The following MMD2 variants were observed in gnomAD, a reference collection of about 807,000 sequenced individuals.
MMD2 encodes monocyte to macrophage differentiation associated 2.
MMD2 carries 30 observed loss-of-function variants against 33.5 expected under a neutral mutation model. The ratio of observed to expected loss-of-function variants is 0.90; its 90% CI spans 0.67 to 1.22. The LOEUF (loss-of-function observed/expected upper bound fraction) is 1.22. MMD2 is among the 50% of genes most tolerant of loss of function. The probability of loss-of-function intolerance (pLI) is 0.00; values close to 1 mark genes in which losing one functional copy is unlikely to be tolerated. For synonymous variants in MMD2, 129 were observed against 123.0 expected, an observed-to-expected ratio of 1.05 and a Z score of -0.32; for missense variants, 364 against 325.4, an observed-to-expected ratio of 1.12 and a Z score of -0.91.
In MMD2 at chr7:4,940,318, G is replaced by A. The variant is rs943587648; in HGVS notation, c.48-14786C>T. Among the ~76,000 whole-genome samples, 1 of 152,140 alleles carries A rather than the reference G, an allele frequency of 6.6e-6. No homozygotes were observed. The highest frequency in any genetic ancestry group is 1.5e-5 in the Non-Finnish European group (1 of 68,030). On this transcript the variant is annotated intron_variant, in intron 1 of 6. Coordinates refer to ENST00000401401, the MANE Select transcript of MMD2 (RefSeq NM_198403.4). The surrounding 1 kb of genome is among the most constrained non-coding windows in gnomAD (Gnocchi z 5.0). ...TCTCTCTCTCTGGCCTGACCCAGCT[G>A]GGGTCTATGGCCCCCAGAAAGAAGC...
At chr7:4,935,226 G>A (rs1219277432) in intron 1 of MMD2, among the ~76,000 whole-genome samples, 1 of 151,834 alleles carries the variant, frequency 6.6e-6, no homozygotes, top group Non-Finnish European at 1.5e-5. Flanking sequence ...GGTGGGGCAC[G>A]ACTGTAGTCC....
At chr7:4,930,041 G>A (rs892395043) in intron 1 of MMD2, among the ~76,000 whole-genome samples, 12 of 151,232 alleles carry the variant, frequency 7.9e-5, no homozygotes, top group Admixed American at 4.0e-4. Flanking sequence ...AGGCCGAGGC[G>A]GGCATATTAC....
intron 1 of MMD2, among the ~76,000 whole-genome samples, chr7:4,951,680 A>T (rs1254814022): frequency 2.0e-5 from 3 of 151,950 alleles, no homozygotes; most frequent in Admixed American, 2.0e-4. Context: ...GCTCACTGTA[A>T]CCTCAATCTC....
intron 1 of MMD2, among the ~76,000 whole-genome samples, chr7:4,938,190 T>C (rs1222481424): frequency 3.3e-5 from 5 of 151,832 alleles, no homozygotes; most frequent in African/African-American, 4.8e-5. Context: ...TTTGTATTTT[T>C]AGTAGAGACG....
chr7:4,911,295 AC>A, intron 4 of MMD2, 49 bp from the exon 5 acceptor site: 2 of 1,457,908 alleles, frequency 1.4e-6, no homozygotes, highest in Non-Finnish European at 9.4e-7. Flanking sequence ...GCCCACCAGG[AC>A]CCCGGCCCTC....
intron 4 of MMD2, 107 bp from the exon 5 acceptor site, chr7:4,911,353 C>A: frequency 1.9e-5 from 15 of 810,510 alleles, no homozygotes. Context: ...AGTCCTGTCA[C>A]CTGTGACTCC....
Position 4,940,913 on chromosome 7 carries a change from G to A in MMD2, c.48-15381C>T, listed in dbSNP as rs1785889802. On this transcript the variant is annotated intron_variant, in intron 1 of 6. Coordinates refer to ENST00000401401, the MANE Select transcript of MMD2 (RefSeq NM_198403.4). This position sits in a 1 kb window ranked among gnomAD's most constrained non-coding sequence, Gnocchi z 5.0. ...GATCTGAGACCAGCTCCCAGCCTTG[G>A]CGCCCACCCTGTGGCTCCCCGGGAA... Among the ~76,000 whole-genome samples the A allele has an allele frequency of 6.6e-6, 1 of 152,142 alleles. No homozygotes were observed. Among genetic ancestry groups the A allele is most frequent in the Admixed American group, 6.6e-5 (1 of 15,258 alleles).
At position 4,909,754 on chromosome 7, in the gene MMD2, TC is replaced by T. The variant is rs772955385; in HGVS notation, c.537+126del. Reference sequence around the variant, plus strand: ...CTGGCCTACTGCCTCTTTAGACAAGTCATGCCAGGCCTCAGTTTCCCCGCCT... The same window carrying T: ...CTGGCCTACTGCCTCTTTAGACAAGTATGCCAGGCCTCAGTTTCCCCGCCT... On this transcript the variant is annotated intron_variant, in intron 6 of 6. Coordinates refer to ENST00000401401, the MANE Select transcript of MMD2 (RefSeq NM_198403.4). The T allele has an allele frequency of 6.9e-6, 9 of 1,296,680 alleles. No individual in the cohort carries two copies. The South Asian group carries it at 1.1e-4, about 16-fold the overall frequency. 80.3% of individuals were successfully genotyped at this position (1,296,680 alleles called of 1,614,324 possible). A position where few individuals can be genotyped will look rare whatever the true frequency, so the allele number is the denominator to read the frequency against.
chr7:4,949,026 C>A (rs1786167155), intron 1 of MMD2, among the ~76,000 whole-genome samples: 2 of 151,966 alleles, frequency 1.3e-5, no homozygotes, highest in African/African-American at 4.8e-5. Context: ...GCTGAGCCAA[C>A]ATGGAAAAAC....
rs1372735287 is a variant in MMD2 at position 4,906,453 on chromosome 7, C to G, written c.*943G>C. 4 of 398,532 alleles carry G rather than the reference C, an allele frequency of 1.0e-5. No individual in the cohort carries two copies. In the East Asian group the frequency reaches 1.4e-4, roughly 14 times the overall value. 24.7% of individuals were successfully genotyped at this position (398,532 alleles called of 1,614,324 possible). On this transcript the variant is annotated 3_prime_UTR_variant, in exon 7 of 7. Coordinates refer to ENST00000401401, the MANE Select transcript of MMD2 (RefSeq NM_198403.4). The stretch of plus-strand genomic sequence containing the variant: ...GAATCCAAATGTTGGCATCACAAAC[C>G]TTAAGTATGGAGCAGGGAGCAAGTG...
At chr7:4,953,905 C>T (rs942844731) in intron 1 of MMD2, among the ~76,000 whole-genome samples, 1 of 152,186 alleles carries the variant, frequency 6.6e-6, no homozygotes, top group African/African-American at 2.4e-5. Flanking sequence ...ATCACCCAGG[C>T]TTGAGTGCAG....
intron 6 of MMD2, 108 bp from the exon 7 acceptor site, chr7:4,907,707 C>T: frequency 1.0e-6 from 1 of 986,854 alleles, no homozygotes; most frequent in Admixed American, 2.1e-5. Context: ...AGATGGCAAA[C>T]CAGCCCAGAC....
chr7:4,934,239 T>C (rs1332068975), intron 1 of MMD2, among the ~76,000 whole-genome samples: 2 of 151,938 alleles, frequency 1.3e-5, no homozygotes, highest in Non-Finnish European at 2.9e-5. Context: ...CCACAATGCT[T>C]TTATTTTTTC....
At chr7:4,934,350 C>T (rs12535838) in intron 1 of MMD2, among the ~76,000 whole-genome samples, 20,467 of 152,174 alleles carry the variant, frequency 0.13, 1,693 homozygotes, top group Admixed American at 0.22. Flanking sequence ...GCAATCCTCC[C>T]GCCTCTGACT....
At chr7:4,925,405 G>A (rs747397074) in intron 2 of MMD2, 46 bp downstream of exon 2, 24 of 961,202 alleles carry the variant, frequency 2.5e-5, no homozygotes, top group Middle Eastern at 3.2e-4. Flanking sequence ...CCCCTTCCCC[G>A]GAAGTGTCCC....
chr7:4,902,925 T>C (rs546143545), downstream of MMD2, among the ~76,000 whole-genome samples: 12 of 152,264 alleles, frequency 7.9e-5, no homozygotes, highest in South Asian at 1.7e-3. Context: ...AAATGCTCTG[T>C]AGCTTTTGCA....
rs532429964 is a variant in MMD2, at chr7:4,929,490, G to A, written c.48-3958C>T. Among the ~76,000 whole-genome samples, 3 of 152,058 alleles carry A rather than the reference G, an allele frequency of 2.0e-5. No homozygotes were observed. The East Asian group carries it at 5.8e-4, about 30-fold the overall frequency. ...CAGGAAGCTGCCTGTGGCCAAGACT[G>A]GCTTATGTTTGTTTGTTTGTTTGTT... On this transcript the variant is annotated intron_variant, in intron 1 of 6. Coordinates refer to ENST00000401401, the MANE Select transcript of MMD2 (RefSeq NM_198403.4).
chr7:4,935,659 C>G (rs1274757790), intron 1 of MMD2, among the ~76,000 whole-genome samples: 6 of 111,702 alleles, frequency 5.4e-5, no homozygotes, highest in African/African-American at 2.2e-4. Context: ...GCCTGAATAA[C>G]AGAGCAAGAC....
Position 4,946,949 on chromosome 7 carries a change from T to A in MMD2, c.47+12022A>T, listed in dbSNP as rs1024387036. 6.6e-6 allele frequency among the ~76,000 whole-genome samples: 1 copy of A among 152,152 alleles called. No homozygotes were observed. The highest frequency in any genetic ancestry group is 2.4e-5 in the African/African-American group (1 of 41,436). On this transcript the variant is annotated intron_variant, in intron 1 of 6. Coordinates refer to ENST00000401401, the MANE Select transcript of MMD2 (RefSeq NM_198403.4). The surrounding 1 kb of genome is among the most constrained non-coding windows in gnomAD (Gnocchi z 5.0). Reference sequence around the variant, plus strand: ...TAGGCTGGGTGTGGTGGCTCATACCTGTAATCCCAGCACTTTGGGAGACCG... The same window carrying A: ...TAGGCTGGGTGTGGTGGCTCATACCAGTAATCCCAGCACTTTGGGAGACCG...
Sources: allele counts gnomAD v4.1 joint callset (sites outside exome capture counted in the v4.1 genomes callset), GRCh38; gene constraint gnomAD v4.1.1; non-coding constraint Gnocchi (gnomAD v3.1); transcripts MANE v1.5; gene names NCBI Gene and HGNC (gene_info 2026-07-23, HGNC 2026-07-21).